The following VIT variants were observed in gnomAD, a reference collection of about 807,000 sequenced individuals.
VIT encodes vitrin.
VIT carries 99 observed loss-of-function variants against 78.0 expected under a neutral mutation model. The observed-to-expected ratio is 1.27, with a 90% CI of 1.08 to 1.50. The LOEUF (loss-of-function observed/expected upper bound fraction) is 1.50. Among genes scored for constraint, VIT ranks in the 40% most tolerant of loss-of-function variants. The pLI, the probability that VIT is intolerant of heterozygous loss-of-function variation, is 0.00. For synonymous variants in VIT, 374 were observed against 334.3 expected (o/e 1.12, Z -1.29); for missense variants, 1,126 against 875.3 (o/e 1.29, Z -3.61).
rs182018243 is a variant in VIT, at chr2:36,791,527, G to C, written c.1058+4251G>C. On this transcript the variant is annotated intron_variant, in intron 12 of 15. Coordinates refer to ENST00000379242, the MANE Select transcript of VIT (RefSeq NM_053276.4). ...ACTCTGAGATGGGGGGGTTCTCCCG[G>C]ATTATAGGGATGTTGCAGTGTAGCC... 3.0e-3 allele frequency among the ~76,000 whole-genome samples: 452 copies of C among 152,350 alleles called. 3 individuals carry two copies. Among genetic ancestry groups the C allele is most frequent in the African/African-American group, 8.7e-3 (363 of 41,578 alleles).
At chr2:36,702,861 T>C (rs999350801) in intron 1 of VIT, among the ~76,000 whole-genome samples, 1 of 152,162 alleles carries the variant, frequency 6.6e-6, no homozygotes, top group Non-Finnish European at 1.5e-5. Flanking sequence ...TGTTTTGAAA[T>C]AAATCCGTTC....
intron 9 of VIT, 146 bp from the exon 10 acceptor site, chr2:36,781,581 T>G (rs764891145): frequency 4.3e-5 from 30 of 704,114 alleles, no homozygotes; most frequent in Non-Finnish European, 6.6e-5. Flanking sequence ...GATTTCAGGT[T>G]GCTTCATCCA....
intron 7 of VIT, among the ~76,000 whole-genome samples, chr2:36,771,341 G>C (rs1465018339): frequency 6.6e-6 from 1 of 152,188 alleles, no homozygotes; most frequent in African/African-American, 2.4e-5. Context: ...GTCTGGCCAA[G>C]ATGGTGAAAC....
At chr2:36,749,698 G>A (rs1668342868) in intron 4 of VIT, among the ~76,000 whole-genome samples, 1 of 152,192 alleles carries the variant, frequency 6.6e-6, no homozygotes, top group Non-Finnish European at 1.5e-5. Context: ...CCTAACTGCT[G>A]CCCAGGACAG....
At chr2:36,768,540 G>A (rs1479292978) in intron 7 of VIT, among the ~76,000 whole-genome samples, 1 of 152,202 alleles carries the variant, frequency 6.6e-6, no homozygotes, top group Non-Finnish European at 1.5e-5. Context: ...ACCCTATGAA[G>A]TAGATTTATG....
chr2:36,723,280 T>C (rs1423605115), intron 2 of VIT, among the ~76,000 whole-genome samples: 1 of 151,828 alleles, frequency 6.6e-6, no homozygotes, highest in Non-Finnish European at 1.5e-5. Context: ...CTAATGAGCA[T>C]TTTTTTACAT....
intron 14 of VIT, among the ~76,000 whole-genome samples, chr2:36,806,078 G>A (rs1666706013): frequency 1.3e-5 from 2 of 152,118 alleles, no homozygotes; most frequent in Non-Finnish European, 2.9e-5. Flanking sequence ...ATAAACCAGA[G>A]AAAGGAGGCA....
Position 36,724,961 on chromosome 2 carries a change from T to C in VIT, c.53-4465T>C, listed in dbSNP as rs571039967. On this transcript the variant is annotated intron_variant, in intron 2 of 15. Coordinates refer to ENST00000379242, the MANE Select transcript of VIT (RefSeq NM_053276.4). ...TTGTTTTAAAAATATTATAGGATTATAGATATTTATTTTTGAGCATTAAGT... is the reference window on the plus strand; with the variant it reads ...TTGTTTTAAAAATATTATAGGATTACAGATATTTATTTTTGAGCATTAAGT... Among the ~76,000 whole-genome samples the C allele has an allele frequency of 2.6e-5, 4 of 152,356 alleles. No homozygotes were observed. The South Asian group carries it at 8.3e-4, about 32-fold the overall frequency.
At position 36,776,732 on chromosome 2, in the gene VIT, G is replaced by A. The variant is rs535916984; in HGVS notation, c.802+1665G>A. On this transcript the variant is annotated intron_variant, in intron 9 of 15. Coordinates refer to ENST00000379242, the MANE Select transcript of VIT (RefSeq NM_053276.4). ...ATCACTTAAACCTGGGAGGCCGAGGGTGCAGTAAGCTGAGATGGCGCCACT... is the reference window on the plus strand; with the variant it reads ...ATCACTTAAACCTGGGAGGCCGAGGATGCAGTAAGCTGAGATGGCGCCACT... 5.9e-5 allele frequency among the ~76,000 whole-genome samples: 9 copies of A among 151,598 alleles called. No individual in the cohort carries two copies. The South Asian group carries it at 1.5e-3, about 25-fold the overall frequency.
chr2:36,749,967 G>C (rs933930507), intron 4 of VIT, among the ~76,000 whole-genome samples: 1 of 152,188 alleles, frequency 6.6e-6, no homozygotes, highest in Non-Finnish European at 1.5e-5. Context: ...ATTACTAGTA[G>C]ATTTCATTGG....
intron 12 of VIT, among the ~76,000 whole-genome samples, chr2:36,792,292 G>C (rs541225651): frequency 2.9e-4 from 44 of 152,336 alleles, no homozygotes; most frequent in African/African-American, 1.1e-3. Flanking sequence ...AGACAGGCAG[G>C]TAAGGCCCAC....
At chr2:36,762,892 T>C (rs1032068954) in intron 6 of VIT, among the ~76,000 whole-genome samples, 2 of 152,106 alleles carry the variant, frequency 1.3e-5, no homozygotes, top group Non-Finnish European at 2.9e-5. Context: ...GTTTAAATAC[T>C]GTTCCCCCAC....
intron 6 of VIT, among the ~76,000 whole-genome samples, chr2:36,763,015 T>A (rs977449650): frequency 1.7e-4 from 26 of 151,842 alleles, no homozygotes; most frequent in African/African-American, 3.9e-4. Flanking sequence ...GAAGTTTTTT[T>A]AAAAAAAACT....
intron 1 of VIT, among the ~76,000 whole-genome samples, chr2:36,709,427 C>T (rs1173636732): frequency 6.6e-6 from 1 of 152,216 alleles, no homozygotes; most frequent in Non-Finnish European, 1.5e-5. Flanking sequence ...ATTACTGACA[C>T]TTAGTATATG....
intron 12 of VIT, among the ~76,000 whole-genome samples, chr2:36,795,218 T>C (rs11124544): frequency 0.65 from 98,915 of 151,812 alleles, 32,898 homozygotes; most frequent in East Asian, 0.99. Context: ...TTATTTGTAA[T>C]CTCAAACTTG....
rs758612063 is a variant in VIT, at chr2:36,767,308, G to C, written c.679+23G>C. 2.0e-6 allele frequency: 3 copies of C among 1,496,474 alleles called. No individual in the cohort carries two copies. In the East Asian group the frequency reaches 7.5e-5, roughly 37 times the overall value. The allele number at this position is 1,496,474 out of a possible 1,614,324, so 92.7% of individuals were successfully genotyped here. On this transcript the variant is annotated intron_variant, in intron 7 of 15. Coordinates refer to ENST00000379242, the MANE Select transcript of VIT (RefSeq NM_053276.4). ...TGGGTCAGTAGGTAGACCATGTGTTGCTTTGTGCTAGGGAAATGGGAAATT... is the reference window on the plus strand; with the variant it reads ...TGGGTCAGTAGGTAGACCATGTGTTCCTTTGTGCTAGGGAAATGGGAAATT...
At chr2:36,732,050 G>A (rs1229575536) in intron 3 of VIT, among the ~76,000 whole-genome samples, 1 of 152,162 alleles carries the variant, frequency 6.6e-6, no homozygotes, top group Non-Finnish European at 1.5e-5. Context: ...TTTCTGTCAG[G>A]ACCAAGAGCC....
At chr2:36,707,131 G>A (rs1430988318) in intron 1 of VIT, among the ~76,000 whole-genome samples, 2 of 152,176 alleles carry the variant, frequency 1.3e-5, no homozygotes, top group East Asian at 1.9e-4. Context: ...CGGCCACTGC[G>A]AGTTAGGTAG....
At chr2:36,750,794 C>G (rs1289493251) in intron 4 of VIT, among the ~76,000 whole-genome samples, 1 of 151,202 alleles carries the variant, frequency 6.6e-6, no homozygotes, top group Non-Finnish European at 1.5e-5. Context: ...GCACTCCAGC[C>G]TGGGTGACAG....
Sources: gnomAD v4.1 joint callset for allele counts (sites outside exome capture counted in the v4.1 genomes callset) on GRCh38, gnomAD v4.1.1 for gene constraint, MANE v1.5 for transcripts, NCBI Gene and HGNC (gene_info 2026-07-23, HGNC 2026-07-21) for gene names.